Variants in ANKRD16 observed in about 807,000 individuals in gnomAD.
ANKRD16 encodes the protein ankyrin repeat domain 16.
ANKRD16 carries 35 observed loss-of-function variants against 37.9 expected under a neutral mutation model. The observed-to-expected ratio is 0.92, with a 90% CI of 0.71 to 1.23. The LOEUF (loss-of-function observed/expected upper bound fraction) is 1.23, where lower values mean the gene tolerates loss of function less well. Ranked by LOEUF, ANKRD16 falls within the 50% of genes most tolerant of loss-of-function variation. The pLI is 0.00. For synonymous variants in ANKRD16, 206 were observed against 197.2 expected, an observed-to-expected ratio of 1.04 and a Z score of -0.37; for missense variants, 480 against 469.9, an observed-to-expected ratio of 1.02 and a Z score of -0.20.
chr10:5,881,637 T>C (rs1310416341), intron 5 of ANKRD16, among the ~76,000 whole-genome samples: 1 of 149,746 alleles, frequency 6.7e-6, no homozygotes. Context: ...GCTAATTTTT[T>C]TGTATTTTTT....
chr10:5,870,338 G>A lies in ANKRD16; in HGVS notation c.*34-7647C>T, dbSNP rs989170095. Among the ~76,000 whole-genome samples the A allele has an allele frequency of 1.3e-5, 2 of 151,794 alleles. No homozygotes were observed. The highest frequency in any genetic ancestry group is 2.9e-5 in the Non-Finnish European group (2 of 67,982). On this transcript the variant is annotated intron_variant, in intron 7 of 7. Coordinates refer to ENST00000380094, the MANE Select transcript of ANKRD16 (RefSeq NM_019046.3). This position sits in a 1 kb window ranked among gnomAD's most constrained non-coding sequence, Gnocchi z 5.0. ...GCACCCGCACAGTGAGGTCAGCGTT[G>A]GCTCTTGGCCTCTCTTCCCTGCGAC...
intron 3 of ANKRD16, 125 bp downstream of exon 3, chr10:5,885,598 T>C: frequency 1.0e-6 from 1 of 954,180 alleles, no homozygotes; most frequent in Non-Finnish European, 1.6e-6. Context: ...ATGTCTTTTG[T>C]TCATTTTTCT....
Position 5,884,093 on chromosome 10 carries a change from C to G in ANKRD16, c.579-16G>C, listed in dbSNP as rs1564418898. 6.2e-7 allele frequency: 1 copy of G among 1,606,080 alleles called. No individual in the cohort carries two copies. Among genetic ancestry groups the G allele is most frequent in the African/African-American group, 1.3e-5 (1 of 74,794 alleles). ...ATATTGGCACCTAGAGCCAAAACCC[C>G]AAGTAAGAGCTGAGAAAATTCAATA... On this transcript the variant is annotated splice_polypyrimidine_tract_variant and intron_variant, in intron 3 of 7. Transcript: ENST00000380094.
intron 7 of ANKRD16, among the ~76,000 whole-genome samples, chr10:5,872,201 AAGTGTGGTGGCTCAC>A (rs1842100790): frequency 6.6e-6 from 1 of 152,150 alleles, no homozygotes; most frequent in East Asian, 1.9e-4. Context: ...TTAGAGGGCC[AAGTGTGGTGGCTCAC>A]ACCTGTAAAC....
chr10:5,885,791 T>C, intron 2 of ANKRD16, 26 bp from the exon 3 acceptor site: 1 of 1,593,008 alleles, frequency 6.3e-7, no homozygotes, highest in Non-Finnish European at 8.5e-7. Context: ...AAGCTGAGAA[T>C]TAGAGCTTTT....
chr10:5,882,795 C>CT (rs987539427), intron 5 of ANKRD16: 65 of 472,370 alleles, frequency 1.4e-4, no homozygotes, highest in South Asian at 1.9e-4. Context: ...GAGTAAAAGG[C>CT]TTTTTTTTAA....
intron 7 of ANKRD16, among the ~76,000 whole-genome samples, chr10:5,876,423 G>T (rs1775418040): frequency 6.6e-6 from 1 of 152,182 alleles, no homozygotes; most frequent in Admixed American, 6.5e-5. Context: ...TGTGCTGAGG[G>T]GAAAGAGGGC....
chr10:5,889,323 C>G lies in ANKRD16; in HGVS notation c.32G>C (p.Cys11Ser). 7.9e-7 allele frequency: 1 copy of G among 1,272,516 alleles called. No homozygotes were observed. The highest frequency in any genetic ancestry group is 4.2e-5 in the Admixed American group (1 of 24,024). The allele number at this position is 1,272,516 out of a possible 1,614,324, so 78.8% of individuals were successfully genotyped here. A position where few individuals can be genotyped will look rare whatever the true frequency, so the allele number is the denominator to read the frequency against. ...CAGCCGGCCCTCCTGCACCAGCCTG[C>G]AGAGGCGCCGCGGGTCCCCGGGCTG... MAQPGDPRRL[C>S]RLVQEGRLRA... The change falls in exon 1 of 8, where the codon TGC becomes TCC. Residue 11 changes from cysteine to serine, a missense_variant. Coordinates refer to ENST00000380094, the MANE Select transcript of ANKRD16 (RefSeq NM_019046.3).
intron 6 of ANKRD16, among the ~76,000 whole-genome samples, chr10:5,879,258 G>C (rs140827224): frequency 0.014 from 2,125 of 152,302 alleles, 55 homozygotes; most frequent in African/African-American, 0.048. Context: ...CAGATCACTT[G>C]AGGTCAGGAG....
In ANKRD16 at chr10:5,866,812, A is replaced by T. The variant is rs1285714167; in HGVS notation, c.*34-4121T>A. Among the ~76,000 whole-genome samples, 1 of 152,074 alleles carries T rather than the reference A, an allele frequency of 6.6e-6. No homozygotes were observed. Among genetic ancestry groups the T allele is most frequent in the Non-Finnish European group, 1.5e-5 (1 of 68,006 alleles). ...AGAAAGAGAGGAAGAGACAGAGACA[A>T]AGGAGTCAAAGAGGGAGACAGAGAG... On this transcript the variant is annotated intron_variant, in intron 7 of 7. Coordinates refer to ENST00000380094, the MANE Select transcript of ANKRD16 (RefSeq NM_019046.3). The surrounding 1 kb of genome is among the most constrained non-coding windows in gnomAD (Gnocchi z 4.3).
chr10:5,887,681 G>A (rs1842452113), intron 2 of ANKRD16, among the ~76,000 whole-genome samples, 166 bp downstream of exon 2: 1 of 142,882 alleles, frequency 7.0e-6, no homozygotes, highest in African/African-American at 2.6e-5. Context: ...CACTGCACCC[G>A]CGCCCCCGCC....
intron 4 of ANKRD16, 133 bp downstream of exon 4, chr10:5,883,836 C>T (rs1842363111): frequency 1.4e-6 from 1 of 694,258 alleles, no homozygotes; most frequent in Non-Finnish European, 2.4e-6. Flanking sequence ...AAGAGGTCAC[C>T]AAGTTCCAGA....
At chr10:5,882,068 G>T (rs549265726) in intron 5 of ANKRD16, among the ~76,000 whole-genome samples, 3 of 152,064 alleles carry the variant, frequency 2.0e-5, no homozygotes, top group East Asian at 1.9e-4. Context: ...ACTGCGCCTG[G>T]CCTATAAAAT....
At chr10:5,873,009 C>G (rs915562858) in intron 7 of ANKRD16, among the ~76,000 whole-genome samples, 3 of 147,666 alleles carry the variant, frequency 2.0e-5, no homozygotes, top group Admixed American at 6.8e-5. Flanking sequence ...ACAGGTGTGC[C>G]CCACCACACC....
intron 6 of ANKRD16, among the ~76,000 whole-genome samples, chr10:5,879,596 A>T (rs1180192214): frequency 2.0e-5 from 3 of 152,138 alleles, no homozygotes; most frequent in Admixed American, 1.3e-4. Flanking sequence ...TATTCTAAAT[A>T]AAAAAAATCA....
intron 7 of ANKRD16, among the ~76,000 whole-genome samples, chr10:5,872,924 G>C (rs1842125163): frequency 6.6e-6 from 1 of 150,914 alleles, no homozygotes; most frequent in African/African-American, 2.4e-5. Context: ...GCAGTGGTGT[G>C]ATCTCGGCTC....
Position 5,861,821 on chromosome 10 carries a change from T to C in ANKRD16, c.*904A>G, listed in dbSNP as rs1841944622. On this transcript the variant is annotated 3_prime_UTR_variant, in exon 8 of 8. Transcript: ENST00000380094. ...TTGCATTCTTTAACTAGCTGGGCAT[T>C]CCACAGCTTCACTGTTGGTATCATC... The C allele has an allele frequency of 6.6e-6, 1 of 152,066 alleles. No individual in the cohort carries two copies. Among genetic ancestry groups the C allele is most frequent in the Non-Finnish European group, 1.5e-5 (1 of 68,014 alleles). 9.4% of individuals were successfully genotyped at this position (152,066 alleles called of 1,614,324 possible).
rs1338403750 is a variant in ANKRD16, at chr10:5,865,821, T to C, written c.*34-3130A>G. Among the ~76,000 whole-genome samples the C allele has an allele frequency of 2.0e-5, 3 of 152,134 alleles. No individual in the cohort carries two copies. Among genetic ancestry groups the C allele is most frequent in the Non-Finnish European group, 4.4e-5 (3 of 68,022 alleles). On this transcript the variant is annotated intron_variant, in intron 7 of 7. Transcript: ENST00000380094. This position sits in a 1 kb window ranked among gnomAD's most constrained non-coding sequence, Gnocchi z 4.7. ...GGGAATCAACCCTGAAGTCTGGGCA[T>C]TGGAAGGAACAAACTCAAGCTCCAG... is the stretch of plus-strand genomic sequence containing the variant.
chr10:5,887,457 C>T (rs1032624859), intron 2 of ANKRD16, among the ~76,000 whole-genome samples: 1 of 151,730 alleles, frequency 6.6e-6, no homozygotes, highest in Non-Finnish European at 1.5e-5. Flanking sequence ...TTAGTACAAC[C>T]TCTGCCTCCT....
Sources: allele counts gnomAD v4.1 joint callset (sites outside exome capture counted in the v4.1 genomes callset), GRCh38; gene constraint gnomAD v4.1.1; non-coding constraint Gnocchi (gnomAD v3.1); transcripts MANE v1.5; gene names NCBI Gene and HGNC (gene_info 2026-07-23, HGNC 2026-07-21).